The following DPP6 variants were observed in gnomAD, a reference collection of about 807,000 sequenced individuals.
DPP6 encodes the protein dipeptidyl peptidase like 6, also known as A-type potassium channel modulatory protein DPP6.
A neutral mutation model predicts 122.6 loss-of-function variants in DPP6; 69 were observed. The ratio of observed to expected loss-of-function variants is 0.56; its 90% confidence interval spans 0.46 to 0.69. The LOEUF (loss-of-function observed/expected upper bound fraction) is 0.69, where lower values mean the gene tolerates loss of function less well. DPP6 is among the 30% of genes least tolerant of loss of function. The probability of loss-of-function intolerance (pLI) is 0.00; values close to 1 mark genes in which losing one functional copy is unlikely to be tolerated. For synonymous variants in DPP6, 418 were observed against 433.1 expected (o/e 0.97, Z 0.43); for missense variants, 928 against 1,116.9 (o/e 0.83, Z 2.41).
At chr7:154,204,654 G>A (rs534405955) in intron 1 of DPP6, among the ~76,000 whole-genome samples, 72 of 152,206 alleles carry the variant, frequency 4.7e-4, no homozygotes, top group African/African-American at 1.5e-3. Context: ...ACACCCTTGC[G>A]GCAGGTCCTG....
chr7:154,444,935 A>G (rs1819727214), intron 1 of DPP6, among the ~76,000 whole-genome samples: 1 of 152,220 alleles, frequency 6.6e-6, no homozygotes, highest in South Asian at 2.1e-4. Context: ...ATTAAGTTAT[A>G]GATGGCAAAT....
At chr7:154,115,535 C>T (rs933505082) in intron 1 of DPP6, among the ~76,000 whole-genome samples, 1 of 152,184 alleles carries the variant, frequency 6.6e-6, no homozygotes, top group Non-Finnish European at 1.5e-5. Context: ...GATTGGCTTA[C>T]CTGCTGCTGC....
chr7:154,678,434 G>A (rs1315944103), intron 7 of DPP6, among the ~76,000 whole-genome samples: 7 of 152,162 alleles, frequency 4.6e-5, no homozygotes, highest in Middle Eastern at 3.4e-3. Flanking sequence ...AACTCTGGGC[G>A]CGCCACCTTT....
intron 16 of DPP6, among the ~76,000 whole-genome samples, chr7:154,853,572 A>G (rs765506107): frequency 6.6e-6 from 1 of 152,254 alleles, no homozygotes; most frequent in Non-Finnish European, 1.5e-5. Context: ...GTTGCAGTTA[A>G]CACAGGTGCA....
At chr7:154,254,049 T>G (rs181436067) in intron 1 of DPP6, among the ~76,000 whole-genome samples, 1 of 152,308 alleles carries the variant, frequency 6.6e-6, no homozygotes, top group Non-Finnish European at 1.5e-5. Flanking sequence ...TTCAGTCACC[T>G]CCCGCCGGGC....
chr7:154,295,495 C>T (rs1456471982), intron 1 of DPP6, among the ~76,000 whole-genome samples: 1 of 152,104 alleles, frequency 6.6e-6, no homozygotes, highest in Non-Finnish European at 1.5e-5. Flanking sequence ...CTGCAGAGGG[C>T]CCTCAGTACA....
intron 1 of DPP6, among the ~76,000 whole-genome samples, chr7:153,985,675 T>C (rs1796809909): frequency 6.6e-6 from 1 of 152,192 alleles, no homozygotes; most frequent in Admixed American, 6.5e-5. Context: ...CTCTCCATAC[T>C]GTAGTAGACA....
At chr7:154,117,385 A>G (rs1393269416) in intron 1 of DPP6, among the ~76,000 whole-genome samples, 1 of 152,102 alleles carries the variant, frequency 6.6e-6, no homozygotes, top group African/African-American at 2.4e-5. Context: ...TTCTTCTCCT[A>G]TTTTATACTG....
chr7:154,034,732 ACTTC>A (rs1799432065), intron 1 of DPP6, among the ~76,000 whole-genome samples: 1 of 151,648 alleles, frequency 6.6e-6, no homozygotes, highest in Non-Finnish European at 1.5e-5. Context: ...ACTGTGCAAG[ACTTC>A]CTTCACTGCA....
chr7:154,306,035 C>T (rs67797505), intron 1 of DPP6, among the ~76,000 whole-genome samples: 20,355 of 152,218 alleles, frequency 0.13, 2,032 homozygotes, highest in African/African-American at 0.28. Flanking sequence ...AATGAGCTTA[C>T]TGAAAGGACT....
intron 1 of DPP6, among the ~76,000 whole-genome samples, chr7:154,191,170 A>C (rs1043026724): frequency 5.3e-5 from 8 of 152,194 alleles, no homozygotes; most frequent in Non-Finnish European, 5.9e-5. Context: ...TTTTCTGCAA[A>C]CGTTGCCTGA....
chr7:154,885,814 C>G (rs1446998826), intron 22 of DPP6, 70 bp downstream of exon 22: 3 of 1,533,916 alleles, frequency 2.0e-6, no homozygotes, highest in South Asian at 2.4e-5. Flanking sequence ...CTGCGTGGCC[C>G]CACAGCCCTC....
chr7:154,731,987 A>G (rs1055340936), intron 8 of DPP6, among the ~76,000 whole-genome samples: 2 of 151,472 alleles, frequency 1.3e-5, no homozygotes, highest in South Asian at 4.2e-4. Flanking sequence ...TACATGGTTG[A>G]TTGTGTTTCC....
rs10228136 is a variant in DPP6, at chr7:154,060,814, A to T, written c.243+7751A>T. Among the ~76,000 whole-genome samples, 152 of 102,750 alleles carry T rather than the reference A, an allele frequency of 1.5e-3. 9 individuals carry two copies. Among genetic ancestry groups the T allele is most frequent in the African/African-American group, 6.8e-3 (139 of 20,502 alleles). The allele number at this position is 102,750 out of a possible 152,430, so 67.4% of individuals were successfully genotyped here. A position where few individuals can be genotyped will look rare whatever the true frequency, so the allele number is the denominator to read the frequency against. On this transcript the variant is annotated intron_variant, in intron 1 of 25. Coordinates refer to ENST00000377770, the MANE Select transcript of DPP6 (RefSeq NM_130797.4). ...ATCACAGGAGGGGGACGCACCCCCC[A>T]TGAGGCAGGGACTGAGAGCCAGCCC... is the stretch of plus-strand genomic sequence containing the variant.
intron 21 of DPP6, among the ~76,000 whole-genome samples, chr7:154,881,356 C>T (rs1044787762): frequency 5.9e-5 from 9 of 152,178 alleles, no homozygotes; most frequent in Non-Finnish European, 7.3e-5. Flanking sequence ...TGGGGAGGGT[C>T]GCGCAGTGAA....
At chr7:154,743,929 T>G (rs1842926470) in intron 8 of DPP6, among the ~76,000 whole-genome samples, 1 of 152,202 alleles carries the variant, frequency 6.6e-6, no homozygotes, top group Non-Finnish European at 1.5e-5. Flanking sequence ...TGAAAAAATC[T>G]GCACATAAGT....
chr7:153,904,869 G>A (rs953800218), intron 1 of DPP6, among the ~76,000 whole-genome samples: 7 of 152,228 alleles, frequency 4.6e-5, no homozygotes, highest in African/African-American at 1.4e-4. Flanking sequence ...CAGGAGAAGA[G>A]GCTTACAAAT....
At chr7:154,743,986 G>A (rs1054804276) in intron 8 of DPP6, among the ~76,000 whole-genome samples, 3 of 152,154 alleles carry the variant, frequency 2.0e-5, no homozygotes, top group Admixed American at 6.5e-5. Flanking sequence ...CTGCTGTCCC[G>A]TCCTTATGTG....
At chr7:154,843,515 G>A (rs966830271) in intron 16 of DPP6, among the ~76,000 whole-genome samples, 3 of 152,144 alleles carry the variant, frequency 2.0e-5, no homozygotes, top group Non-Finnish European at 4.4e-5. Context: ...CCATGACCAT[G>A]GCAAATGTTG....
Sources: gnomAD v4.1 joint callset for allele counts (sites outside exome capture counted in the v4.1 genomes callset) on GRCh38, gnomAD v4.1.1 for gene constraint, MANE v1.5 for transcripts, NCBI Gene and HGNC (gene_info 2026-07-23, HGNC 2026-07-21) for gene names.